GFM1: variants seen among roughly 807,000 people sequenced by gnomAD.
The protein encoded by GFM1 is elongation factor G, mitochondrial.
A neutral mutation model predicts 96.2 loss-of-function variants in GFM1; 62 were observed. The ratio of observed to expected loss-of-function variants is 0.64; its 90% CI spans 0.53 to 0.80. The LOEUF (loss-of-function observed/expected upper bound fraction) is 0.80. Ranked by LOEUF, GFM1 falls within the 30% of genes least tolerant of loss-of-function variation. The probability of loss-of-function intolerance (pLI) is 0.00; values close to 1 mark genes in which losing one functional copy is unlikely to be tolerated. For missense variants in GFM1, 852 were observed against 916.6 expected, an observed-to-expected ratio of 0.93 and a Z score of 0.91; for synonymous variants, 282 against 312.9, an observed-to-expected ratio of 0.90 and a Z score of 1.04.
intron 15 of GFM1, 91 bp downstream of exon 15, chr3:158,684,759 C>A: frequency 7.5e-7 from 1 of 1,332,576 alleles, no homozygotes; most frequent in Non-Finnish European, 1.1e-6. Context: ...CTTCTTCACC[C>A]AGAGCACTAG....
intron 16 of GFM1, 114 bp from the exon 17 acceptor site, chr3:158,691,023 AAG>A: frequency 1.4e-6 from 1 of 734,650 alleles, no homozygotes; most frequent in East Asian, 2.6e-5. Context: ...ATTTTAAACT[AAG>A]AGTAGTGAGC....
intron 1 of GFM1, 108 bp downstream of exon 1, chr3:158,644,823 C>T: frequency 1.1e-6 from 1 of 881,936 alleles, no homozygotes; most frequent in Non-Finnish European, 1.9e-6. Context: ...CTGACAGCTC[C>T]GAATACTGGC....
At position 158,668,919 on chromosome 3, in the gene GFM1, G is replaced by C. The variant is rs564284708; in HGVS notation, c.1601+2533G>C. 3.6e-5 allele frequency: 48 copies of C among 1,317,436 alleles called. No homozygotes were observed. The African/African-American group carries it at 6.6e-4, about 18-fold the overall frequency. 81.6% of individuals were successfully genotyped at this position (1,317,436 alleles called of 1,614,324 possible). On this transcript the variant is annotated intron_variant, in intron 13 of 17. Coordinates refer to ENST00000486715, the MANE Select transcript of GFM1 (RefSeq NM_024996.7). The stretch of plus-strand genomic sequence containing the variant: ...AATACAAAATGACTATAGGAATACT[G>C]TTAATCCAATTATGAATTACAATAC...
intron 11 of GFM1, among the ~76,000 whole-genome samples, chr3:158,663,885 C>T (rs1483783956): frequency 1.3e-5 from 2 of 152,072 alleles, no homozygotes; most frequent in African/African-American, 4.8e-5. Flanking sequence ...TAATTTAAAT[C>T]GAATAATGAA....
chr3:158,652,304 G>GT, intron 6 of GFM1, 58 bp downstream of exon 6: 1 of 1,430,676 alleles, frequency 7.0e-7, no homozygotes, highest in Non-Finnish European at 9.9e-7. Context: ...TTTGTTTTTT[G>GT]TAGGGAGGGG....
At chr3:158,675,366 TAA>T (rs1724802781) in intron 13 of GFM1, among the ~76,000 whole-genome samples, 1 of 149,862 alleles carries the variant, frequency 6.7e-6, no homozygotes, top group African/African-American at 2.4e-5. Context: ...TTTTTGAATA[TAA>T]AGTTTATAAA....
intron 13 of GFM1, among the ~76,000 whole-genome samples, chr3:158,672,004 G>C (rs1248582459): frequency 1.3e-5 from 2 of 152,194 alleles, no homozygotes; most frequent in Non-Finnish European, 2.9e-5. Flanking sequence ...TAGCAGATGA[G>C]AAACGTGGCA....
chr3:158,672,890 T>A (rs564272540), intron 13 of GFM1, among the ~76,000 whole-genome samples: 1 of 152,166 alleles, frequency 6.6e-6, no homozygotes, highest in Non-Finnish European at 1.5e-5. Context: ...TTCGCTGATA[T>A]AGGACATCTC....
intron 2 of GFM1, 79 bp downstream of exon 2, chr3:158,645,860 A>G (rs1721740299): frequency 2.3e-6 from 3 of 1,306,588 alleles, no homozygotes; most frequent in Admixed American, 3.4e-5. Context: ...TAAAGCTTAT[A>G]AACCTGAAAG....
At chr3:158,676,186 T>C (rs1724876417) in intron 13 of GFM1, among the ~76,000 whole-genome samples, 2 of 152,174 alleles carry the variant, frequency 1.3e-5, no homozygotes, top group African/African-American at 4.8e-5. Flanking sequence ...GGTGGCTCAC[T>C]TGAGCACAGG....
chr3:158,681,133 T>C (rs1317595823), intron 13 of GFM1, among the ~76,000 whole-genome samples: 1 of 152,204 alleles, frequency 6.6e-6, no homozygotes, highest in Non-Finnish European at 1.5e-5. Context: ...AATATTGATA[T>C]TTGCTTCTTC....
Position 158,653,326 on chromosome 3 carries a change from C to G in GFM1, c.857C>G (p.Ala286Gly). The change falls in exon 7 of 18, where the codon GCT (alanine) becomes GGT (glycine). Residue 286 changes from alanine (A) to glycine (G), a missense_variant. Ala to Gly is a moderately conservative substitution (Grantham distance 60). Transcript: ENST00000486715. ...CTTTTGTAGCTAGCAATTCGAAGAG[C>G]TACTCTGAAAAGATCATTTACTCCT... is the stretch of plus-strand genomic sequence containing the variant. ...ISDLKLAIRR[A>G]TLKRSFTPVF... is the part of the protein sequence containing the mutation. 6.2e-7 allele frequency: 1 copy of G among 1,613,012 alleles called. No individual in the cohort carries two copies. Among genetic ancestry groups the G allele is most frequent in the South Asian group, 1.1e-5 (1 of 90,934 alleles).
chr3:158,649,834 G>C (rs1310731150), intron 5 of GFM1: 2 of 592,658 alleles, frequency 3.4e-6, no homozygotes, highest in East Asian at 5.6e-5. Context: ...ATTCTGATCA[G>C]TAGATTGGGG....
At chr3:158,647,117 G>A (rs1460514841) in intron 4 of GFM1, among the ~76,000 whole-genome samples, 170 bp downstream of exon 4, 2 of 152,152 alleles carry the variant, frequency 1.3e-5, no homozygotes, top group African/African-American at 2.4e-5. Flanking sequence ...TTGGCTTGTG[G>A]TATGATCTCA....
intron 13 of GFM1, chr3:158,669,194 C>T: frequency 6.9e-7 from 1 of 1,453,440 alleles, no homozygotes; most frequent in South Asian, 1.3e-5. Flanking sequence ...AAAACAAAAT[C>T]TAAATTCTAA....
chr3:158,662,923 A>C (rs1723310511), intron 11 of GFM1, among the ~76,000 whole-genome samples: 1 of 152,160 alleles, frequency 6.6e-6, no homozygotes, highest in Non-Finnish European at 1.5e-5. Context: ...ATAACTCTTT[A>C]CTATATTGTT....
chr3:158,694,422 GCC>G lies in GFM1; in HGVS notation c.*2956_*2957del, dbSNP rs1726478606. Among the ~76,000 whole-genome samples, 1 of 152,176 alleles carries G rather than the reference GCC, an allele frequency of 6.6e-6. No homozygotes were observed. The highest frequency in any genetic ancestry group is 2.4e-5 in the African/African-American group (1 of 41,442). On this transcript the variant is annotated 3_prime_UTR_variant, in exon 18 of 18. Transcript: ENST00000486715. ...ACAGAGGGGAACAACACACACTGGG[GCC>G]TATTGGAGGATGGAGGGTGGGTGGA...
rs779114127 is a variant in GFM1 at position 158,653,396 on chromosome 3, T to C, written c.927T>C (p.Leu309=). Residue 309 remains leucine (L), a synonymous_variant, in exon 7 of 18, where the codon CTT becomes CTC. Transcript: ENST00000486715. ...SALKNKGVQP[L]LDAVLEYLPN... ...TGAAGAACAAAGGAGTTCAGCCTCT[T>C]TTAGATGCTGTTTTAGAATACCTCC... 15 of 1,611,800 alleles carry C rather than the reference T, an allele frequency of 9.3e-6. No homozygotes were observed. Among genetic ancestry groups the C allele is most frequent in the Non-Finnish European group, 1.1e-5 (13 of 1,178,056 alleles).
chr3:158,667,399 T>C (rs1027348307), intron 13 of GFM1, among the ~76,000 whole-genome samples: 3 of 152,238 alleles, frequency 2.0e-5, no homozygotes, highest in Admixed American at 2.0e-4. Context: ...TGTGTTTCCA[T>C]TGTACAGAAA....
Sources: gnomAD v4.1 joint callset for allele counts (sites outside exome capture counted in the v4.1 genomes callset) on GRCh38, gnomAD v4.1.1 for gene constraint, MANE v1.5 for transcripts, NCBI Gene and HGNC (gene_info 2026-07-23, HGNC 2026-07-21) for gene names.